Variants in ETFDH observed in about 807,000 individuals in gnomAD.
ETFDH encodes the protein electron transfer flavoprotein dehydrogenase.
In ETFDH, 61 loss-of-function variants were observed where a neutral mutation model predicts 73.2. That is an observed-to-expected ratio of 0.83 (90% CI 0.68 to 1.03). ETFDH has a LOEUF of 1.03. Ranked by LOEUF, ETFDH falls within the 50% of genes least tolerant of loss-of-function variation. The pLI is 0.00. For synonymous variants in ETFDH, 243 were observed against 253.3 expected, an observed-to-expected ratio of 0.96 and a Z score of 0.39; for missense variants, 685 against 745.0, an observed-to-expected ratio of 0.92 and a Z score of 0.94.
intron 5 of ETFDH, among the ~76,000 whole-genome samples, chr4:158,686,379 G>T (rs1774005008): frequency 6.6e-6 from 1 of 152,114 alleles, no homozygotes; most frequent in Admixed American, 6.6e-5. Context: ...AGAAATAAAG[G>T]CCCCAAAGAC....
At chr4:158,692,973 A>AT (rs1774218309) in intron 6 of ETFDH, among the ~76,000 whole-genome samples, 1 of 151,624 alleles carries the variant, frequency 6.6e-6, no homozygotes, top group South Asian at 2.1e-4. Flanking sequence ...ATTTATACAG[A>AT]TCTAATAGCA....
At chr4:158,677,369 A>G (rs189717128) in intron 1 of ETFDH, among the ~76,000 whole-genome samples, 1 of 152,358 alleles carries the variant, frequency 6.6e-6, no homozygotes, top group Admixed American at 6.5e-5. Flanking sequence ...GGACATCTCA[A>G]AAGTTCACGA....
chr4:158,694,187 A>G (rs1041526605), intron 6 of ETFDH, among the ~76,000 whole-genome samples: 2 of 152,180 alleles, frequency 1.3e-5, no homozygotes, highest in Admixed American at 1.3e-4. Flanking sequence ...CAATTCATCC[A>G]TGTATTCCCA....
At chr4:158,676,820 C>T (rs1773721484) in intron 1 of ETFDH, among the ~76,000 whole-genome samples, 3 of 152,192 alleles carry the variant, frequency 2.0e-5, no homozygotes, top group South Asian at 4.1e-4. Context: ...TGCTGAGCAT[C>T]TTTTCATGTA....
Position 158,695,629 on chromosome 4 carries a change from A to G in ETFDH, c.817A>G (p.Ile273Val). 6.2e-7 allele frequency: 1 copy of G among 1,610,078 alleles called. No individual in the cohort carries two copies. The highest frequency in any genetic ancestry group is 1.1e-5 in the South Asian group (1 of 90,994). ...RANCEPQTYG[I>V]GLKELWVIDE... ...AAATTGTGAACCTCAAACCTACGGGATTGGACTGAAGGAGGTATCCTGGTT... is the reference window on the plus strand; with the variant it reads ...AAATTGTGAACCTCAAACCTACGGGGTTGGACTGAAGGAGGTATCCTGGTT... Residue 273 changes from isoleucine (I) to valine (V), a missense_variant, in exon 7 of 13, where the codon ATT (isoleucine) becomes GTT (valine). Transcript: ENST00000511912.
chr4:158,706,335 T>C lies in ETFDH; in HGVS notation c.1432T>C (p.Leu478=), dbSNP rs1774615019. 6.2e-7 allele frequency: 1 copy of C among 1,613,468 alleles called. No individual in the cohort carries two copies. The highest frequency in any genetic ancestry group is 1.3e-5 in the African/African-American group (1 of 74,900). The change falls in exon 11 of 13, where the codon TTG becomes CTG. Residue 478 remains leucine (L), a synonymous_variant. Coordinates refer to ENST00000511912, the MANE Select transcript of ETFDH (RefSeq NM_004453.4). ...MIYTGIFYWI[L]RGMEPWTLKH... ...TTACACTGGAATCTTTTACTGGATA[T>C]TGAGAGGAATGGAGCCGTGGACTCT...
chr4:158,690,124 T>G (rs1774124635), intron 5 of ETFDH, among the ~76,000 whole-genome samples: 1 of 152,150 alleles, frequency 6.6e-6, no homozygotes, highest in East Asian at 1.9e-4. Flanking sequence ...CTCATCAAGG[T>G]TGTGGCATTG....
chr4:158,682,018 G>T, intron 2 of ETFDH, 177 bp from the exon 3 acceptor site: 1 of 786,082 alleles, frequency 1.3e-6, no homozygotes, highest in Non-Finnish European at 2.0e-6. Flanking sequence ...TACTGGAACA[G>T]AACCTAAGAA....
chr4:158,682,423 G>C lies in ETFDH; in HGVS notation c.404G>C (p.Gly135Ala). The change falls in exon 3 of 13, where the codon GGG (glycine) becomes GCG (alanine). Residue 135 changes from glycine (G) to alanine (A), a missense_variant and splice_region_variant. Physicochemically the swap from Gly to Ala is moderately conservative, Grantham distance 60 (BLOSUM62 0). Transcript: ENST00000511912. ...KELFPDWKEK[G>A]APLNTPVTED... ...CTCTTCCCAGACTGGAAAGAGAAGGGGGTATGAAAAATTGTTTTTTATACA... is the reference window on the plus strand; with the variant it reads ...CTCTTCCCAGACTGGAAAGAGAAGGCGGTATGAAAAATTGTTTTTTATACA... The C allele has an allele frequency of 2.5e-6, 4 of 1,611,524 alleles. No individual in the cohort carries two copies. The highest frequency in any genetic ancestry group is 3.4e-6 in the Non-Finnish European group (4 of 1,177,804).
chr4:158,677,654 C>A (rs1385220475), intron 1 of ETFDH, among the ~76,000 whole-genome samples: 3 of 152,096 alleles, frequency 2.0e-5, no homozygotes, highest in African/African-American at 7.2e-5. Flanking sequence ...GATGTTATAC[C>A]AGAGTCAGGT....
rs1175266968 is a variant in ETFDH at position 158,672,481 on chromosome 4, T to A, written c.25T>A (p.Ser9Thr). The A allele has an allele frequency of 2.5e-6, 4 of 1,614,084 alleles. No homozygotes were observed. Among genetic ancestry groups the A allele is most frequent in the Non-Finnish European group, 3.4e-6 (4 of 1,179,980 alleles). The stretch of plus-strand genomic sequence containing the variant: ...CATGCTGGTGCCGCTAGCCAAGCTG[T>A]CCTGCCTGGGTGAGAGGAAACGGGC... MLVPLAKL[S>T]CLAYQCFHAL... Residue 9 changes from serine (S) to threonine (T), a missense_variant, in exon 1 of 13, where the codon TCC (serine) becomes ACC (threonine). Ser to Thr is a moderately conservative substitution (Grantham distance 58). This residue lies in a region of ETFDH where 405 missense variants were observed against 399.3 expected (regional missense o/e 1.01). Coordinates refer to ENST00000511912, the MANE Select transcript of ETFDH (RefSeq NM_004453.4).
intron 5 of ETFDH, among the ~76,000 whole-genome samples, chr4:158,689,391 A>G (rs1208413773): frequency 6.6e-6 from 1 of 151,376 alleles, no homozygotes; most frequent in Non-Finnish European, 1.5e-5. Flanking sequence ...AGAATCCATG[A>G]TTTTCACTTT....
intron 5 of ETFDH, among the ~76,000 whole-genome samples, chr4:158,686,995 AATGGAG>A (rs976775201): frequency 6.6e-6 from 1 of 152,166 alleles, no homozygotes; most frequent in African/African-American, 2.4e-5. Context: ...TGGTAGGGAA[AATGGAG>A]ATGGAGAAGT....
rs1386698228 is a variant in ETFDH at position 158,690,326 on chromosome 4, ATT to A, written c.607-20_607-19del. ...ATTATGAATTCTAAGGTATTAATAAATTTGTTTTTTATCATTTTTAGGTCCTT... is the reference window on the plus strand; with the variant it reads ...ATTATGAATTCTAAGGTATTAATAAATGTTTTTTATCATTTTTAGGTCCTT... On this transcript the variant is annotated intron_variant, in intron 5 of 12. Transcript: ENST00000511912. The A allele has an allele frequency of 3.7e-6, 5 of 1,354,364 alleles. No individual in the cohort carries two copies. Among genetic ancestry groups the A allele is most frequent in the Non-Finnish European group, 5.3e-6 (5 of 943,304 alleles). 83.9% of individuals were successfully genotyped at this position (1,354,364 alleles called of 1,614,324 possible).
intron 1 of ETFDH, among the ~76,000 whole-genome samples, chr4:158,676,870 A>G (rs1306267892): frequency 6.6e-6 from 1 of 152,184 alleles, no homozygotes; most frequent in Non-Finnish European, 1.5e-5. Flanking sequence ...AGAAGTGTCT[A>G]TCCAGATCCT....
chr4:158,692,111 C>T (rs950432347), intron 6 of ETFDH, among the ~76,000 whole-genome samples: 2 of 152,078 alleles, frequency 1.3e-5, no homozygotes, highest in Admixed American at 6.5e-5. Flanking sequence ...AAGCAAATAG[C>T]GGCCCGTCGC....
intron 5 of ETFDH, among the ~76,000 whole-genome samples, chr4:158,685,490 G>T (rs1210969567): frequency 6.6e-6 from 1 of 152,138 alleles, no homozygotes; most frequent in Non-Finnish European, 1.5e-5. Flanking sequence ...ATTTTGAACA[G>T]AACTTACCTA....
chr4:158,681,874 C>T (rs1319913005), intron 2 of ETFDH: 7 of 366,096 alleles, frequency 1.9e-5, no homozygotes, highest in East Asian at 7.0e-5. Context: ...AATTGCCTAA[C>T]GATGCATTTC....
At chr4:158,701,041 T>G (rs1042367865) in intron 9 of ETFDH, 2 of 152,236 alleles carry the variant, frequency 1.3e-5, no homozygotes, top group African/African-American at 4.8e-5. Flanking sequence ...CTTCCCCTAG[T>G]AGGTTTCTAA....
Sources: gnomAD v4.1 joint callset for allele counts (sites outside exome capture counted in the v4.1 genomes callset) on GRCh38, gnomAD v4.1.1 for gene constraint, gnomAD v4.1.1 regional missense constraint, MANE v1.5 for transcripts, NCBI Gene and HGNC (gene_info 2026-07-23, HGNC 2026-07-21) for gene names.